CNKSR2: variants seen among roughly 807,000 people sequenced by gnomAD.
CNKSR2 encodes connector enhancer of kinase suppressor of Ras 2.
In CNKSR2, 14 loss-of-function variants were observed where a neutral mutation model predicts 84.4. That is an observed-to-expected ratio of 0.17 (90% CI 0.11 to 0.26). The LOEUF (loss-of-function observed/expected upper bound fraction) is 0.26. Ranked by LOEUF, CNKSR2 falls within the 10% of genes least tolerant of loss-of-function variation. CNKSR2 has a pLI of 1.00. For synonymous variants in CNKSR2, 275 were observed against 277.9 expected (o/e 0.99, Z 0.10); for missense variants, 485 against 771.2 (o/e 0.63, Z 4.40).
rs1222085102 is a variant in CNKSR2 at position 21,406,428 on chromosome X, TA to T, written c.65-20064del. On this transcript the variant is annotated intron_variant, in intron 1 of 21. Coordinates refer to ENST00000379510, the MANE Select transcript of CNKSR2 (RefSeq NM_014927.5). ...AGTAACTTGCTTTCAGATCTTGTAA[TA>T]AAAATGTAGTTTTAGCCATAAAACA... is the stretch of plus-strand genomic sequence containing the variant. Among the ~76,000 whole-genome samples the T allele has an allele frequency of 4.5e-5, 5 of 111,673 alleles. No homozygotes were observed. In the East Asian group the frequency reaches 1.4e-3, roughly 31 times the overall value.
intron 1 of CNKSR2, among the ~76,000 whole-genome samples, chrX:21,378,502 T>G (rs2089852350): frequency 9.0e-6 from 1 of 111,631 alleles, no homozygotes; most frequent in Admixed American, 9.5e-5. Context: ...GGCCTGGAAA[T>G]ATTTCATAAT....
intron 1 of CNKSR2, among the ~76,000 whole-genome samples, chrX:21,375,316 A>G (rs1182560773): frequency 9.0e-6 from 1 of 111,507 alleles, no homozygotes; most frequent in African/African-American, 3.3e-5. Flanking sequence ...CTCAGGGTGG[A>G]CTCCCCCAGG....
At chrX:21,584,891 A>G (rs1024930234) in intron 13 of CNKSR2, among the ~76,000 whole-genome samples, 3 of 110,967 alleles carry the variant, frequency 2.7e-5, no homozygotes, top group Non-Finnish European at 3.8e-5. Flanking sequence ...AGTTTTGCAT[A>G]TAGGAATGGC....
rs185441240 is a variant in CNKSR2 at position 21,379,065 on chromosome X, G to A, written c.64+4104G>A. On this transcript the variant is annotated intron_variant, in intron 1 of 21. Transcript: ENST00000379510. ...AAATACATTCTTTTAGGTATAAAAA[G>A]CAAAACCAATGTTTTGTATACAGTC... Among the ~76,000 whole-genome samples, 37 of 112,233 alleles carry A rather than the reference G, an allele frequency of 3.3e-4. No individual in the cohort carries two copies. In the East Asian group the frequency reaches 9.2e-3, roughly 28 times the overall value.
chrX:21,529,603 G>A (rs2091867116), intron 10 of CNKSR2, among the ~76,000 whole-genome samples: 1 of 110,175 alleles, frequency 9.1e-6, no homozygotes, highest in East Asian at 2.9e-4. Flanking sequence ...TATTAAGAAA[G>A]GTGTAAAAAC....
At chrX:21,542,276 G>C in intron 11 of CNKSR2, among the ~76,000 whole-genome samples, 1 of 112,261 alleles carries the variant, frequency 8.9e-6, no homozygotes, top group Non-Finnish European at 1.9e-5. Flanking sequence ...AGCCATAGTT[G>C]GTAATTTTGT....
At chrX:21,590,856 G>A in intron 14 of CNKSR2, 166 bp from the exon 15 acceptor site, 1 of 466,730 alleles carries the variant, frequency 2.1e-6, no homozygotes, top group East Asian at 3.8e-5. Flanking sequence ...TAAGATGTGT[G>A]TCACTTATGT....
Position 21,408,033 on chromosome X carries a change from T to C in CNKSR2, c.65-18464T>C, listed in dbSNP as rs192382417. On this transcript the variant is annotated intron_variant, in intron 1 of 21. Transcript: ENST00000379510. ...GAATTCAGTAGCCTGCTGTTTAAAG[T>C]TATCATGAGTAGTGAACTGTTGCCT... Among the ~76,000 whole-genome samples the C allele has an allele frequency of 1.3e-4, 15 of 111,678 alleles. No homozygotes were observed. The East Asian group carries it at 2.8e-3, about 21-fold the overall frequency.
intron 11 of CNKSR2, among the ~76,000 whole-genome samples, chrX:21,544,394 A>G (rs746764940): frequency 1.8e-5 from 2 of 111,624 alleles, no homozygotes; most frequent in African/African-American, 6.5e-5. Flanking sequence ...GGAATCTGAA[A>G]ACAGTTCAGC....
chrX:21,447,389 A>G (rs2090869527), intron 4 of CNKSR2, among the ~76,000 whole-genome samples: 2 of 111,469 alleles, frequency 1.8e-5, no homozygotes, highest in South Asian at 7.5e-4. Flanking sequence ...TATGTCTTGT[A>G]CTTTCATTAT....
chrX:21,620,600 A>T (rs749930610), intron 20 of CNKSR2, among the ~76,000 whole-genome samples: 6 of 111,348 alleles, frequency 5.4e-5, no homozygotes, highest in Non-Finnish European at 9.4e-5. Context: ...CAGGCATTTC[A>T]TGTTGAAGAG....
intron 4 of CNKSR2, chrX:21,441,101 G>T: frequency 7.4e-6 from 1 of 135,162 alleles, no homozygotes; most frequent in Non-Finnish European, 1.5e-5. Flanking sequence ...CAAACCAGAT[G>T]CCTTCAGGGT....
chrX:21,637,102 C>G (rs761375803), intron 20 of CNKSR2, among the ~76,000 whole-genome samples: 44 of 111,798 alleles, frequency 3.9e-4, no homozygotes, highest in African/African-American at 1.1e-3. Flanking sequence ...GCCTTAATTT[C>G]AGAAAGTTGT....
rs1166297001 is a variant in CNKSR2 at position 21,601,427 on chromosome X, C to T, written c.2044+78C>T. ...ATCCTATACAGAAATTCATTGCTAT[C>T]ACTTGAGAGAAAATACATGTCAATT... is the stretch of plus-strand genomic sequence containing the variant. On this transcript the variant is annotated intron_variant, in intron 18 of 21. Transcript: ENST00000379510. 4.9e-6 allele frequency: 3 copies of T among 607,802 alleles called. No individual in the cohort carries two copies. In the African/African-American group the frequency reaches 6.9e-5, roughly 14 times the overall value. The allele number at this position is 607,802 out of a possible 1,213,427, so 50.1% of individuals were successfully genotyped here. A position where few individuals can be genotyped will look rare whatever the true frequency, so the allele number is the denominator to read the frequency against.
intron 21 of CNKSR2, among the ~76,000 whole-genome samples, chrX:21,651,416 C>A (rs1394039578): frequency 9.0e-6 from 1 of 111,356 alleles, no homozygotes; most frequent in Admixed American, 9.5e-5. Flanking sequence ...CAGATCCCAC[C>A]ACAGGCAACT....
At chrX:21,577,066 T>C (rs746501876) in intron 13 of CNKSR2, among the ~76,000 whole-genome samples, 10 of 112,124 alleles carry the variant, frequency 8.9e-5, no homozygotes, top group Non-Finnish European at 1.9e-4. Context: ...TCATCAGTTT[T>C]ATTAATTTTG....
chrX:21,614,586 A>T (rs766553662), intron 20 of CNKSR2, among the ~76,000 whole-genome samples: 104 of 94,785 alleles, frequency 1.1e-3, no homozygotes, highest in African/African-American at 5.6e-3. Flanking sequence ...ATATGTATTT[A>T]AAAAAAACAG....
chrX:21,567,795 G>GGTGTGTGTGT (rs58020537), intron 13 of CNKSR2, among the ~76,000 whole-genome samples: 203 of 90,133 alleles, frequency 2.3e-3, no homozygotes, highest in African/African-American at 7.9e-3. Flanking sequence ...GTTTTTGTGT[G>GGTGTGTGTGT]GTGTGTGTGT....
In CNKSR2 at chrX:21,542,402, A is replaced by T. The variant is rs1047558373; in HGVS notation, c.1303+10335A>T. The stretch of plus-strand genomic sequence containing the variant: ...GAGTTTTGTGAGATTTAATGGTAAG[A>T]CATTGTAAATTGCCTCAGTGCCCAG... On this transcript the variant is annotated intron_variant, in intron 11 of 21. Transcript: ENST00000379510. Among the ~76,000 whole-genome samples, 4 of 112,263 alleles carry T rather than the reference A, an allele frequency of 3.6e-5. No individual in the cohort carries two copies. The Admixed American group carries it at 3.8e-4, about 11-fold the overall frequency.
Sources: allele counts gnomAD v4.1 joint callset (sites outside exome capture counted in the v4.1 genomes callset), GRCh38; gene constraint gnomAD v4.1.1; transcripts MANE v1.5; gene names NCBI Gene and HGNC (gene_info 2026-07-23, HGNC 2026-07-21).